The following KLB variants were observed in gnomAD, a reference collection of about 807,000 sequenced individuals.
The protein encoded by KLB is klotho beta, also known as beta-klotho.
In KLB, 44 loss-of-function variants were observed where a neutral mutation model predicts 88.4. The observed-to-expected ratio is 0.50, with a 90% CI of 0.39 to 0.64. The LOEUF is 0.64. Ranked by LOEUF, KLB falls within the 30% of genes least tolerant of loss-of-function variation. The probability of loss-of-function intolerance (pLI) is 0.00; values close to 1 mark genes in which losing one functional copy is unlikely to be tolerated. For missense variants in KLB, 1,137 were observed against 1,304.8 expected, an observed-to-expected ratio of 0.87 and a Z score of 1.98; for synonymous variants, 548 against 513.4, an observed-to-expected ratio of 1.07 and a Z score of -0.91.
At position 39,449,741 on chromosome 4, in the gene KLB, A is replaced by G. The variant is rs1431445355; in HGVS notation, c.*1055A>G. 6.6e-6 allele frequency: 1 copy of G among 152,158 alleles called. No homozygotes were observed. The highest frequency in any genetic ancestry group is 2.4e-5 in the African/African-American group (1 of 41,380). The allele number at this position is 152,158 out of a possible 1,614,324, so 9.4% of individuals were successfully genotyped here. A position where few individuals can be genotyped will look rare whatever the true frequency, so the allele number is the denominator to read the frequency against. ...GGAGTTCGAGACTAGCCTGGCCAAC[A>G]TGGCAAAACCCCATCTCTACTAAAA... On this transcript the variant is annotated 3_prime_UTR_variant, in exon 5 of 5. Transcript: ENST00000257408.
Position 39,408,714 on chromosome 4 carries a change from T to C in KLB, c.825+940T>C, listed in dbSNP as rs1318642555. ...CATAATTAACACTAACTGTCTTCAT[T>C]AAGAATGCTTTGAAAAGAAGACTCA... On this transcript the variant is annotated intron_variant, in intron 1 of 4. Coordinates refer to ENST00000257408, the MANE Select transcript of KLB (RefSeq NM_175737.4). Among the ~76,000 whole-genome samples the C allele has an allele frequency of 3.3e-5, 5 of 151,604 alleles. No individual in the cohort carries two copies. In the Admixed American group the frequency reaches 3.3e-4, roughly 10 times the overall value.
chr4:39,426,374 C>T (rs1187069756), intron 1 of KLB, among the ~76,000 whole-genome samples: 1 of 138,832 alleles, frequency 7.2e-6, no homozygotes, highest in Non-Finnish European at 1.5e-5. Context: ...GAGATCGCGC[C>T]ACTACACTCC....
At chr4:39,426,690 ATT>A (rs35292190) in intron 1 of KLB, among the ~76,000 whole-genome samples, 73 of 148,540 alleles carry the variant, frequency 4.9e-4, no homozygotes, top group Admixed American at 6.7e-4. Context: ...GCATCCAATA[ATT>A]TTTTTTTTTT....
In KLB at chr4:39,448,357, G is replaced by T; in HGVS notation, c.2806G>T (p.Glu936Ter). ...KGYYAFKLAE[E>*]KSKPRFGFFT... ...CTATTATGCATTCAAACTGGCTGAA[G>T]AGAAATCTAAACCCAGATTTGGATT... Residue 936 changes from glutamate to a stop codon, truncating the protein, a stop_gained, in exon 5 of 5, where the codon GAG (glutamate) becomes TAG (stop). Coordinates refer to ENST00000257408, the MANE Select transcript of KLB (RefSeq NM_175737.4). LOFTEE classifies it low-confidence loss of function (END_TRUNC). The T allele has an allele frequency of 6.2e-7, 1 of 1,613,120 alleles. No homozygotes were observed. The highest frequency in any genetic ancestry group is 8.5e-7 in the Non-Finnish European group (1 of 1,179,122).
In KLB at chr4:39,448,302, A is replaced by C; in HGVS notation, c.2751A>C (p.Ala917=). 7 of 1,576,496 alleles carry C rather than the reference A, an allele frequency of 4.4e-6. No individual in the cohort carries two copies. The highest frequency in any genetic ancestry group is 6.0e-6 in the Non-Finnish European group (7 of 1,159,238). ...LGKYLQEVLK[A]YLIDKVRIKG... is the part of the protein sequence containing the mutation. ...ATGTTAATTTCTTATCTTTTTCAGCATACCTGATTGATAAAGTCAGAATCA... is the reference window on the plus strand; with the variant it reads ...ATGTTAATTTCTTATCTTTTTCAGCCTACCTGATTGATAAAGTCAGAATCA... The change falls in exon 5 of 5, where the codon GCA becomes GCC. Residue 917 remains alanine (A), a splice_region_variant and synonymous_variant. Coordinates refer to ENST00000257408, the MANE Select transcript of KLB (RefSeq NM_175737.4).
chr4:39,430,409 G>GAAAAAAAAAAAAA lies in KLB; in HGVS notation c.826-3789_826-3788insAAAAAAAAAAAAA, dbSNP rs4008368. On this transcript the variant is annotated intron_variant, in intron 1 of 4. Coordinates refer to ENST00000257408, the MANE Select transcript of KLB (RefSeq NM_175737.4). ...TTATGACTGCTTTTGTTTCTAATTA[G>GAAAAAAAAAAAAA]AAAAAAAAAAAAGCGGTTCTCAAGA... 2.2e-5 allele frequency among the ~76,000 whole-genome samples: 3 copies of GAAAAAAAAAAAAA among 134,088 alleles called. 1 individual carries two copies. Among genetic ancestry groups the GAAAAAAAAAAAAA allele is most frequent in the Admixed American group, 8.1e-5 (1 of 12,272 alleles). The allele number at this position is 134,088 out of a possible 152,430, so 88.0% of individuals were successfully genotyped here.
Position 39,407,227 on chromosome 4 carries a change from C to A in KLB, c.278C>A (p.Ala93Glu). The A allele has an allele frequency of 6.2e-7, 1 of 1,614,094 alleles. No individual in the cohort carries two copies. Among genetic ancestry groups the A allele is most frequent in the Non-Finnish European group, 8.5e-7 (1 of 1,180,014 alleles). ...KNFFWGIGTGALQVEGSWKKD... is the reference protein window; with the variant it reads ...KNFFWGIGTGELQVEGSWKKD... ...TTTTTCTGGGGTATTGGGACTGGAG[C>A]ATTGCAAGTGGAAGGGAGTTGGAAG... Residue 93 changes from alanine (A) to glutamate (E), a missense_variant, in exon 1 of 5, where the codon GCA (alanine) becomes GAA (glutamate). Coordinates refer to ENST00000257408, the MANE Select transcript of KLB (RefSeq NM_175737.4).
At chr4:39,430,080 T>C (rs1350701291) in intron 1 of KLB, among the ~76,000 whole-genome samples, 1 of 152,270 alleles carries the variant, frequency 6.6e-6, no homozygotes, top group Non-Finnish European at 1.5e-5. Flanking sequence ...TGAGCTCTAC[T>C]GTTTCTCATT....
rs1490239374 is a variant in KLB at position 39,447,427 on chromosome 4, C to T, written c.2701C>T (p.Arg901Trp). Residue 901 changes from arginine to tryptophan, a missense_variant, in exon 4 of 5, where the codon CGG becomes TGG. Transcript: ENST00000257408. The part of the protein sequence containing the change: ...GIDDQALEDD[R>W]LRKYYLGKYL... ...CGACGACCAGGCTCTGGAGGATGAC[C>T]GGCTCCGGAAGTACTACCTAGGGAA... 6.2e-7 allele frequency: 1 copy of T among 1,610,166 alleles called. No homozygotes were observed. The highest frequency in any genetic ancestry group is 1.7e-5 in the Admixed American group (1 of 59,744).
At chr4:39,433,431 G>T (rs142752414) in intron 1 of KLB, among the ~76,000 whole-genome samples, 1 of 152,096 alleles carries the variant, frequency 6.6e-6, no homozygotes, top group South Asian at 2.1e-4. Flanking sequence ...AGCAATTTAC[G>T]CAGATTAACT....
intron 2 of KLB, among the ~76,000 whole-genome samples, chr4:39,437,272 T>C (rs1314809129): frequency 3.9e-5 from 6 of 152,234 alleles, no homozygotes; most frequent in African/African-American, 1.4e-4. Context: ...CATTCATTTA[T>C]GTTAATTCTA....
intron 1 of KLB, among the ~76,000 whole-genome samples, chr4:39,425,584 G>A (rs535003206): frequency 2.0e-5 from 3 of 152,144 alleles, no homozygotes; most frequent in Admixed American, 6.5e-5. Context: ...GGGACTACAG[G>A]CACATGCCAC....
At chr4:39,445,484 A>C (rs1043950625) in intron 3 of KLB, among the ~76,000 whole-genome samples, 4 of 150,130 alleles carry the variant, frequency 2.7e-5, no homozygotes, top group African/African-American at 9.8e-5. Flanking sequence ...CAAATGTGTT[A>C]TCACTTGAAC....
In KLB at chr4:39,446,526, T is replaced by G; in HGVS notation, c.1800T>G (p.Ala600=). The stretch of plus-strand genomic sequence containing the variant: ...TGAAAGTCACCCACTACCGGTTTGC[T>G]CTGGATTGGGCCTCGGTCCTTCCCA... ...ARMKVTHYRF[A]LDWASVLPTG... is the part of the protein sequence containing the mutation. The change falls in exon 4 of 5, where the codon GCT becomes GCG. Residue 600 remains alanine, a synonymous_variant. Transcript: ENST00000257408. The surrounding 1 kb of genome is among the most constrained non-coding windows in gnomAD (Gnocchi z 6.4). The G allele has an allele frequency of 6.2e-7, 1 of 1,614,202 alleles. No individual in the cohort carries two copies. Among genetic ancestry groups the G allele is most frequent in the Non-Finnish European group, 8.5e-7 (1 of 1,180,030 alleles).
chr4:39,412,396 C>G (rs1317994550), intron 1 of KLB, among the ~76,000 whole-genome samples: 5 of 151,980 alleles, frequency 3.3e-5, no homozygotes, highest in African/African-American at 1.2e-4. Context: ...CATTAGTGGC[C>G]CCCCCAAGCT....
chr4:39,420,247 C>T (rs1368019950), intron 1 of KLB, among the ~76,000 whole-genome samples: 8 of 152,092 alleles, frequency 5.3e-5, no homozygotes, highest in Admixed American at 3.9e-4. Flanking sequence ...CCAGAGATTA[C>T]ATGACCAAAG....
At chr4:39,409,815 T>C (rs990957534) in intron 1 of KLB, among the ~76,000 whole-genome samples, 3 of 151,606 alleles carry the variant, frequency 2.0e-5, no homozygotes, top group Admixed American at 2.0e-4. Context: ...TCCCAGTTAC[T>C]CGGGAGGCTG....
At chr4:39,439,636 C>A (rs977129700) in intron 3 of KLB, among the ~76,000 whole-genome samples, 1 of 150,980 alleles carries the variant, frequency 6.6e-6, no homozygotes, top group African/African-American at 2.4e-5. Context: ...GGATTACAGG[C>A]ACCCGCCACC....
In KLB at chr4:39,450,956, C is replaced by T. The variant is rs1170321850; in HGVS notation, c.*2270C>T. 3 of 151,876 alleles carry T rather than the reference C, an allele frequency of 2.0e-5. No individual in the cohort carries two copies. The highest frequency in any genetic ancestry group is 3.9e-4 in the East Asian group (2 of 5,188). 9.4% of individuals were successfully genotyped at this position (151,876 alleles called of 1,614,324 possible). On this transcript the variant is annotated 3_prime_UTR_variant, in exon 5 of 5. Coordinates refer to ENST00000257408, the MANE Select transcript of KLB (RefSeq NM_175737.4). ...CTTTCTCACTTTGTTTAAAGTATCT[C>T]GTACTCACAGTTCACAAATTAACCT...
Sources: gnomAD v4.1 joint callset for allele counts (sites outside exome capture counted in the v4.1 genomes callset) on GRCh38, gnomAD v4.1.1 for gene constraint, Gnocchi (gnomAD v3.1) non-coding constraint, MANE v1.5 for transcripts, NCBI Gene and HGNC (gene_info 2026-07-23, HGNC 2026-07-21) for gene names.